MRC1: variants seen among roughly 807,000 people sequenced by gnomAD.
MRC1 encodes macrophage mannose receptor 1.
Under a neutral mutation model 102.9 loss-of-function variants are expected in MRC1, and 62 were observed. The ratio of observed to expected loss-of-function variants is 0.60; its 90% CI spans 0.49 to 0.74. The LOEUF (loss-of-function observed/expected upper bound fraction) is 0.74. Ranked by LOEUF, MRC1 falls within the 30% of genes least tolerant of loss-of-function variation. The pLI, the probability that MRC1 is intolerant of heterozygous loss-of-function variation, is 0.00. For missense variants in MRC1, 1,237 were observed against 862.8 expected, an observed-to-expected ratio of 1.43 and a Z score of -5.43; for synonymous variants, 457 against 298.4, an observed-to-expected ratio of 1.53 and a Z score of -5.48.
intron 9 of MRC1, among the ~76,000 whole-genome samples, chr10:17,860,867 A>G (rs1475339168): frequency 2.0e-5 from 3 of 152,272 alleles, no homozygotes; most frequent in South Asian, 2.1e-4. Flanking sequence ...ATTTATTTGC[A>G]TATTTGTCAT....
chr10:17,849,677 C>G lies in MRC1; in HGVS notation c.1162C>G (p.Leu388Val), dbSNP rs782069279. 6.4e-6 allele frequency: 5 copies of G among 781,010 alleles called. No individual in the cohort carries two copies. In the South Asian group the frequency reaches 6.7e-5, roughly 10 times the overall value. 48.4% of individuals were successfully genotyped at this position (781,010 alleles called of 1,614,324 possible). ...RDEKKIQRDALTTCRKEGGDL... is the reference protein window; with the variant it reads ...RDEKKIQRDAVTTCRKEGGDL... ...TGAGAAAAAAATCCAGAGGGATGCTCTGACCACCTGCAGGAAGGAAGGCGG... is the reference window on the plus strand; with the variant it reads ...TGAGAAAAAAATCCAGAGGGATGCTGTGACCACCTGCAGGAAGGAAGGCGG... The change falls in exon 7 of 30, where the codon CTG (leucine) becomes GTG (valine). Residue 388 changes from leucine (L) to valine (V), a missense_variant. Transcript: ENST00000569591.
intron 9 of MRC1, among the ~76,000 whole-genome samples, chr10:17,858,824 A>G (rs1299042806): frequency 1.3e-5 from 2 of 152,202 alleles, no homozygotes; most frequent in Admixed American, 6.5e-5. Context: ...CCAGGCCCAG[A>G]GTGATTCTTT....
At chr10:17,862,680 G>A (rs1589183168) in intron 10 of MRC1, among the ~76,000 whole-genome samples, 1 of 152,048 alleles carries the variant, frequency 6.6e-6, no homozygotes, top group East Asian at 1.9e-4. Flanking sequence ...TTTTGTTTAG[G>A]GAATGAAATT....
intron 22 of MRC1, among the ~76,000 whole-genome samples, chr10:17,892,124 T>A (rs1455900400): frequency 2.0e-5 from 3 of 152,198 alleles, no homozygotes; most frequent in Non-Finnish European, 4.4e-5. Flanking sequence ...GCTGGTCTTA[T>A]TAAGAACAGA....
intron 12 of MRC1, among the ~76,000 whole-genome samples, chr10:17,867,787 C>T (rs1006864519): frequency 1.3e-5 from 2 of 152,112 alleles, no homozygotes; most frequent in African/African-American, 4.8e-5. Context: ...ATTTTTTTCC[C>T]ATGCTCTTAG....
intron 7 of MRC1, among the ~76,000 whole-genome samples, chr10:17,850,843 T>C (rs1838903902): frequency 6.6e-6 from 1 of 151,958 alleles, no homozygotes; most frequent in Non-Finnish European, 1.5e-5. Flanking sequence ...GACTTAAAAG[T>C]CCCCGAAACA....
intron 3 of MRC1, among the ~76,000 whole-genome samples, 150 bp from the exon 4 acceptor site, chr10:17,833,520 CAAAAA>C (rs34179956): frequency 9.4e-6 from 1 of 106,572 alleles, no homozygotes; most frequent in African/African-American, 3.8e-5. Context: ...GACTCTGTCT[CAAAAA>C]AAAAAAAAAA....
chr10:17,851,237 A>C (rs1838911807), intron 7 of MRC1, among the ~76,000 whole-genome samples: 1 of 152,178 alleles, frequency 6.6e-6, no homozygotes, highest in Non-Finnish European at 1.5e-5. Context: ...AGTTGCTTTG[A>C]AATTCAGCAT....
Position 17,840,733 on chromosome 10 carries a change from T to C in MRC1, c.843T>C (p.Leu281=). ...SSLTSGLWIG[L]NSLSFNSGWQ... The stretch of plus-strand genomic sequence containing the variant: ...TGACCTCAGGACTCTGGATTGGACT[T>C]AACAGTCTGAGCTTCAACAGCGGTT... The change falls in exon 5 of 30, where the codon CTT becomes CTC. Residue 281 remains leucine, a synonymous_variant. Coordinates refer to ENST00000569591, the MANE Select transcript of MRC1 (RefSeq NM_002438.4). 1 of 780,906 alleles carries C rather than the reference T, an allele frequency of 1.3e-6. No homozygotes were observed. Among genetic ancestry groups the C allele is most frequent in the Non-Finnish European group, 2.4e-6 (1 of 417,964 alleles). 48.4% of individuals were successfully genotyped at this position (780,906 alleles called of 1,614,324 possible).
At chr10:17,850,558 C>G (rs1054071246) in intron 7 of MRC1, among the ~76,000 whole-genome samples, 10 of 152,056 alleles carry the variant, frequency 6.6e-5, no homozygotes, top group East Asian at 3.9e-4. Flanking sequence ...ATGCTTGTCC[C>G]GAAGATGAGC....
At chr10:17,868,838 T>A (rs1279976022) in intron 12 of MRC1, among the ~76,000 whole-genome samples, 1 of 152,176 alleles carries the variant, frequency 6.6e-6, no homozygotes, top group Non-Finnish European at 1.5e-5. Flanking sequence ...ATAACATAAT[T>A]TACATAGAAG....
intron 9 of MRC1, among the ~76,000 whole-genome samples, 197 bp downstream of exon 9, chr10:17,856,549 C>A (rs1010983969): frequency 4.5e-4 from 68 of 152,182 alleles, no homozygotes; most frequent in Non-Finnish European, 2.6e-4. Flanking sequence ...ATAGTTAATA[C>A]AGAGGTACAC....
chr10:17,827,398 A>ACT, intron 2 of MRC1, 144 bp from the exon 3 acceptor site: 1 of 319,830 alleles, frequency 3.1e-6, no homozygotes, highest in East Asian at 5.8e-5. Flanking sequence ...AAAAAAAAAA[A>ACT]AAAAAAAAAA....
chr10:17,818,441 A>T (rs1838345047), intron 1 of MRC1, among the ~76,000 whole-genome samples: 1 of 152,218 alleles, frequency 6.6e-6, no homozygotes, highest in African/African-American at 2.4e-5. Flanking sequence ...GAAGAAAAAT[A>T]TATTTTAAGA....
chr10:17,905,882 C>T (rs1333719733), intron 26 of MRC1, among the ~76,000 whole-genome samples: 1 of 152,032 alleles, frequency 6.6e-6, no homozygotes, highest in Non-Finnish European at 1.5e-5. Flanking sequence ...AAGATGGTAC[C>T]TATTTAATGA....
intron 28 of MRC1, among the ~76,000 whole-genome samples, chr10:17,908,190 T>C (rs530931965): frequency 0.19 from 28,419 of 152,240 alleles, 3,301 homozygotes; most frequent in Non-Finnish European, 0.26. Flanking sequence ...AAGGTGCCTC[T>C]ATCTGGAATT....
chr10:17,828,731 T>C (rs1838522407), intron 3 of MRC1, among the ~76,000 whole-genome samples: 1 of 151,568 alleles, frequency 6.6e-6, no homozygotes, highest in Non-Finnish European at 1.5e-5. Context: ...TCAAGGTTTC[T>C]TAAAAATGAA....
chr10:17,819,779 A>G (rs1838368377), intron 1 of MRC1, among the ~76,000 whole-genome samples: 1 of 152,116 alleles, frequency 6.6e-6, no homozygotes, highest in Non-Finnish European at 1.5e-5. Context: ...CCCTGTCTCC[A>G]GTAAAAATAA....
At chr10:17,884,733 A>G (rs1223185485) in intron 21 of MRC1, among the ~76,000 whole-genome samples, 1 of 152,192 alleles carries the variant, frequency 6.6e-6, no homozygotes, top group Non-Finnish European at 1.5e-5. Context: ...CACCCTTAAT[A>G]CATGGGAATT....
Sources: gnomAD v4.1 joint callset for allele counts (sites outside exome capture counted in the v4.1 genomes callset) on GRCh38, gnomAD v4.1.1 for gene constraint, MANE v1.5 for transcripts, NCBI Gene and HGNC (gene_info 2026-07-23, HGNC 2026-07-21) for gene names.